The following PTPN9 variants were observed in gnomAD, a reference collection of about 807,000 sequenced individuals.
PTPN9 encodes the protein tyrosine-protein phosphatase non-receptor type 9.
In PTPN9, 26 loss-of-function variants were observed where a neutral mutation model predicts 69.8. The observed-to-expected ratio is 0.37, with a 90% CI of 0.27 to 0.52. The LOEUF is 0.52. PTPN9 is among the 20% of genes least tolerant of loss of function. PTPN9 has a pLI of 0.91. For missense variants in PTPN9, 549 were observed against 740.3 expected (o/e 0.74, Z 3.00); for synonymous variants, 274 against 272.5 (o/e 1.01, Z -0.05).
At chr15:75,573,089 G>C (rs143881713) in intron 1 of PTPN9, among the ~76,000 whole-genome samples, 1 of 152,154 alleles carries the variant, frequency 6.6e-6, no homozygotes, top group South Asian at 2.1e-4. Context: ...TGGCTTCATG[G>C]GAAGTAATGT....
At chr15:75,545,450 ATAAAG>A (rs1416023194) in intron 1 of PTPN9, among the ~76,000 whole-genome samples, 1 of 152,100 alleles carries the variant, frequency 6.6e-6, no homozygotes, top group Non-Finnish European at 1.5e-5. Context: ...ACAAAATAAA[ATAAAG>A]TAAGAGGACA....
intron 5 of PTPN9, 70 bp downstream of exon 5, chr15:75,517,189 C>A: frequency 8.5e-7 from 1 of 1,170,102 alleles, no homozygotes; most frequent in Non-Finnish European, 1.2e-6. Flanking sequence ...AAATCTTTTC[C>A]CAAAGAATTA....
intron 9 of PTPN9, among the ~76,000 whole-genome samples, chr15:75,478,124 C>T (rs1374613295): frequency 2.6e-5 from 4 of 151,730 alleles, no homozygotes; most frequent in Non-Finnish European, 5.9e-5. Context: ...CAGGCATGAA[C>T]CACCACGCCT....
intron 1 of PTPN9, among the ~76,000 whole-genome samples, chr15:75,577,885 A>G (rs2141349025): frequency 6.6e-6 from 1 of 152,248 alleles, no homozygotes; most frequent in Admixed American, 6.5e-5. Context: ...TTCCCAGTCT[A>G]AGCTAGCAGA....
chr15:75,472,195 C>G (rs2074570606), intron 10 of PTPN9, among the ~76,000 whole-genome samples: 1 of 152,136 alleles, frequency 6.6e-6, no homozygotes, highest in Admixed American at 6.5e-5. Flanking sequence ...CGCGGTGGCT[C>G]ACGCCTGTAA....
intron 1 of PTPN9, among the ~76,000 whole-genome samples, chr15:75,535,738 C>CCT (rs1280007044): frequency 7.2e-5 from 11 of 152,260 alleles, no homozygotes; most frequent in Middle Eastern, 6.8e-3. Context: ...CTGTTTCCCC[C>CCT]CTCTCTCCTT....
chr15:75,521,241 C>T (rs1427179553), intron 4 of PTPN9, among the ~76,000 whole-genome samples: 1 of 147,590 alleles, frequency 6.8e-6, no homozygotes, highest in African/African-American at 2.5e-5. Context: ...CTCAGGTGAT[C>T]GAGACCATCC....
At chr15:75,489,463 C>A (rs2074697499) in intron 8 of PTPN9, among the ~76,000 whole-genome samples, 1 of 152,070 alleles carries the variant, frequency 6.6e-6, no homozygotes, top group Non-Finnish European at 1.5e-5. Context: ...GTGGCACACA[C>A]CTGTGGTCTC....
intron 7 of PTPN9, among the ~76,000 whole-genome samples, chr15:75,494,550 G>A (rs922492788): frequency 5.9e-5 from 9 of 151,462 alleles, no homozygotes; most frequent in Admixed American, 3.9e-4. Context: ...ACGGGGTTTC[G>A]CCATGTTGGC....
rs537893415 is a variant in PTPN9 at position 75,576,759 on chromosome 15, G to T, written c.63+1955C>A. On this transcript the variant is annotated intron_variant, in intron 1 of 12. Coordinates refer to ENST00000618819, the MANE Select transcript of PTPN9 (RefSeq NM_002833.4). ...GGAGGCAGAGGTTGCAGTGAGCCAA[G>T]ATCAGGCCACTGCACTCCAGCCTAG... Among the ~76,000 whole-genome samples the T allele has an allele frequency of 5.3e-5, 8 of 152,182 alleles. No homozygotes were observed. In the East Asian group the frequency reaches 1.5e-3, roughly 29 times the overall value.
In PTPN9 at chr15:75,470,671, T is replaced by C. The variant is rs1409930082; in HGVS notation, c.1359+9A>G. Reference sequence around the variant, plus strand: ...TCAACAAGGTGAGAAAAAAGAAACCTGGATTTACCTCTGTGTTGTGAATTT... The same window carrying C: ...TCAACAAGGTGAGAAAAAAGAAACCCGGATTTACCTCTGTGTTGTGAATTT... On this transcript the variant is annotated intron_variant, in intron 11 of 12. Transcript: ENST00000618819. 3.1e-6 allele frequency: 5 copies of C among 1,610,456 alleles called. No homozygotes were observed. The African/African-American group carries it at 5.4e-5, about 17-fold the overall frequency.
intron 1 of PTPN9, among the ~76,000 whole-genome samples, chr15:75,577,439 A>T (rs980282509): frequency 7.2e-5 from 11 of 152,076 alleles, no homozygotes; most frequent in African/African-American, 2.7e-4. Flanking sequence ...TTAACATCCA[A>T]CTGCAGTTAC....
intron 1 of PTPN9, among the ~76,000 whole-genome samples, chr15:75,529,893 G>A (rs181515413): frequency 2.3e-3 from 349 of 151,510 alleles, no homozygotes; most frequent in African/African-American, 8.1e-3. Context: ...CTGGGTGACA[G>A]AGCAAGACTC....
chr15:75,554,005 C>CTTTTTTTTTTTTTT (rs72050060), intron 1 of PTPN9, among the ~76,000 whole-genome samples: 4 of 125,378 alleles, frequency 3.2e-5, no homozygotes, highest in Non-Finnish European at 4.9e-5. Context: ...TACTTTCTTT[C>CTTTTTTTTTTTTTT]TTTTTTTTTT....
At position 75,496,594 on chromosome 15, in the gene PTPN9, T is replaced by C. The variant is rs553729475; in HGVS notation, c.969-6293A>G. Among the ~76,000 whole-genome samples, 596 of 151,250 alleles carry C rather than the reference T, an allele frequency of 3.9e-3. 2 individuals are homozygous for C. Among genetic ancestry groups the C allele is most frequent in the Non-Finnish European group, 4.8e-3 (325 of 67,930 alleles). Reference sequence around the variant, plus strand: ...TCACTGCAGCCTCAACGTCCCAGGCTCAAGTGAGCTTCCCACCTCAGCCTC... The same window carrying C: ...TCACTGCAGCCTCAACGTCCCAGGCCCAAGTGAGCTTCCCACCTCAGCCTC... On this transcript the variant is annotated intron_variant, in intron 7 of 12. Transcript: ENST00000618819.
At chr15:75,496,646 G>A (rs1179299314) in intron 7 of PTPN9, among the ~76,000 whole-genome samples, 2 of 151,746 alleles carry the variant, frequency 1.3e-5, no homozygotes, top group African/African-American at 2.4e-5. Context: ...ACAAACACAC[G>A]CCACCACACC....
At chr15:75,480,712 CG>C in intron 8 of PTPN9, 3 of 1,316,278 alleles carry the variant, frequency 2.3e-6, no homozygotes, top group South Asian at 1.5e-5. Context: ...GCCCCACAGC[CG>C]GGAGGATGGA....
chr15:75,531,993 C>A (rs1483617016), intron 1 of PTPN9, among the ~76,000 whole-genome samples: 2 of 152,056 alleles, frequency 1.3e-5, no homozygotes, highest in African/African-American at 4.8e-5. Flanking sequence ...GCTGGGTATA[C>A]AATTTCTAAT....
At chr15:75,470,307 C>T (rs908663232) in intron 11 of PTPN9, among the ~76,000 whole-genome samples, 5 of 152,280 alleles carry the variant, frequency 3.3e-5, no homozygotes, top group African/African-American at 1.2e-4. Flanking sequence ...AGGCTTGTGC[C>T]ACCATGCCCA....
Sources: gnomAD v4.1 joint callset for allele counts (sites outside exome capture counted in the v4.1 genomes callset) on GRCh38, gnomAD v4.1.1 for gene constraint, MANE v1.5 for transcripts, NCBI Gene and HGNC (gene_info 2026-07-23, HGNC 2026-07-21) for gene names.